Variants in PSD3 observed in about 807,000 individuals in gnomAD.
The protein encoded by PSD3 is pleckstrin and Sec7 domain containing 3, also known as PH and SEC7 domain-containing protein 3.
In PSD3, 49 loss-of-function variants were observed where a neutral mutation model predicts 105.5. The observed-to-expected ratio is 0.46, with a 90% CI of 0.37 to 0.59. The LOEUF is 0.59. Ranked by LOEUF, PSD3 falls within the 20% of genes least tolerant of loss-of-function variation. PSD3 has a pLI of 0.00. For missense variants in PSD3, 1,561 were observed against 1,263.8 expected (o/e 1.24, Z -3.57); for synonymous variants, 557 against 457.8 (o/e 1.22, Z -2.77).
At chr8:18,628,490 T>C (rs1039860637) in intron 11 of PSD3, among the ~76,000 whole-genome samples, 1 of 151,850 alleles carries the variant, frequency 6.6e-6, no homozygotes, top group African/African-American at 2.4e-5. Flanking sequence ...ACCCAGTGAA[T>C]ATACATTCCT....
At position 18,804,733 on chromosome 8, in the gene PSD3, T is replaced by A; in HGVS notation, c.1800A>T (p.Arg600Ser). ...TGCCAAGGTGTTTTGCAACATCTGA[T>A]CTTTTGAATCTGTCCAGCTGATAAA... ...KRLYQLDRFK[R>S]SDVAKHLGKN... Residue 600 changes from arginine (R) to serine (S), a missense_variant, in exon 5 of 16, where the codon AGA (arginine) becomes AGT (serine). Transcript: ENST00000327040. 1 of 1,614,022 alleles carries A rather than the reference T, an allele frequency of 6.2e-7. No individual in the cohort carries two copies. Among genetic ancestry groups the A allele is most frequent in the Non-Finnish European group, 8.5e-7 (1 of 1,179,974 alleles).
intron 9 of PSD3, among the ~76,000 whole-genome samples, chr8:18,691,136 TG>T (rs1320971283): frequency 6.6e-6 from 1 of 152,152 alleles, no homozygotes; most frequent in African/African-American, 2.4e-5. Context: ...AGCAACAGGA[TG>T]GGGGGAAAAA....
At chr8:18,800,458 C>T (rs1301426409) in intron 7 of PSD3, among the ~76,000 whole-genome samples, 2 of 152,166 alleles carry the variant, frequency 1.3e-5, no homozygotes, top group Non-Finnish European at 2.9e-5. Flanking sequence ...AATACTGAAG[C>T]TAAGAGGTAA....
chr8:18,660,776 T>C (rs949910083), intron 9 of PSD3, among the ~76,000 whole-genome samples: 2 of 152,314 alleles, frequency 1.3e-5, no homozygotes, highest in African/African-American at 2.4e-5. Flanking sequence ...CAATCTTTTA[T>C]CTAACTGTAA....
At chr8:18,633,242 G>T (rs954645888) in intron 10 of PSD3, among the ~76,000 whole-genome samples, 1 of 152,012 alleles carries the variant, frequency 6.6e-6, no homozygotes, top group Non-Finnish European at 1.5e-5. Flanking sequence ...CATAGAACTA[G>T]GTGTACAGAA....
At chr8:18,850,565 C>A (rs1230568572) in intron 4 of PSD3, among the ~76,000 whole-genome samples, 1 of 152,216 alleles carries the variant, frequency 6.6e-6, no homozygotes, top group Non-Finnish European at 1.5e-5. Context: ...AGCCTCATTA[C>A]TCACTTGTCC....
At chr8:18,647,062 T>C (rs1326714587) in intron 10 of PSD3, among the ~76,000 whole-genome samples, 1 of 152,176 alleles carries the variant, frequency 6.6e-6, no homozygotes, top group Non-Finnish European at 1.5e-5. Context: ...CACTCACACC[T>C]TCATGGGCAG....
chr8:18,625,185 A>AATACACAC (rs1806388131), intron 11 of PSD3, among the ~76,000 whole-genome samples: 1 of 91,588 alleles, frequency 1.1e-5, no homozygotes, highest in Non-Finnish European at 2.2e-5. Context: ...TGAGGTGGGG[A>AATACACAC]ATACACACAC....
intron 15 of PSD3, among the ~76,000 whole-genome samples, chr8:18,544,997 A>G (rs1163073342): frequency 6.6e-6 from 1 of 152,140 alleles, no homozygotes; most frequent in African/African-American, 2.4e-5. Flanking sequence ...AGGTGCTTTT[A>G]CCTTTGAATA....
intron 2 of PSD3, among the ~76,000 whole-genome samples, chr8:18,882,406 A>T (rs1268420211): frequency 6.6e-6 from 1 of 152,154 alleles, no homozygotes; most frequent in East Asian, 1.9e-4. Context: ...TTACTCAGCC[A>T]ACATTTCTTG....
At chr8:18,749,852 A>C (rs1453279127) in intron 9 of PSD3, among the ~76,000 whole-genome samples, 1 of 152,162 alleles carries the variant, frequency 6.6e-6, no homozygotes, top group East Asian at 1.9e-4. Flanking sequence ...AACCAACAAG[A>C]AAAGGGGGAC....
At chr8:18,544,096 G>A (rs1800304243) in intron 15 of PSD3, among the ~76,000 whole-genome samples, 1 of 141,618 alleles carries the variant, frequency 7.1e-6, no homozygotes, top group South Asian at 2.3e-4. Context: ...AAAATGAGCA[G>A]AAAAGCAATA....
intron 2 of PSD3, among the ~76,000 whole-genome samples, chr8:18,895,606 C>G (rs2129460092): frequency 6.6e-6 from 1 of 152,304 alleles, no homozygotes; most frequent in East Asian, 1.9e-4. Context: ...TAGCACTTTT[C>G]CTTTTTTAAT....
chr8:18,703,332 G>C (rs1801700145), intron 9 of PSD3, among the ~76,000 whole-genome samples: 1 of 152,178 alleles, frequency 6.6e-6, no homozygotes, highest in Non-Finnish European at 1.5e-5. Flanking sequence ...CTCAGCAAGG[G>C]CCTTCAGAGA....
At position 19,075,464 on chromosome 8, in the gene PSD3, A is replaced by G. The variant is rs1229380056; in HGVS notation, c.324+8742T>C. Among the ~76,000 whole-genome samples, 4 of 152,196 alleles carry G rather than the reference A, an allele frequency of 2.6e-5. No individual in the cohort carries two copies. The East Asian group carries it at 7.7e-4, about 29-fold the overall frequency. The stretch of plus-strand genomic sequence containing the variant: ...ATTCACTGCATGTATGTATGATTAC[A>G]TTGTTGCTATATTCTTTCCTAATGA... On this transcript the variant is annotated intron_variant, in intron 1 of 1. Coordinates refer to the PSD3 transcript ENST00000521475.
rs1204903770 is a variant in PSD3, at chr8:18,872,149, C to G, written c.715G>C (p.Gly239Arg). 1 of 1,614,160 alleles carries G rather than the reference C, an allele frequency of 6.2e-7. No homozygotes were observed. The highest frequency in any genetic ancestry group is 8.5e-7 in the Non-Finnish European group (1 of 1,180,034). ...ISQIMNNGRK[G>R]AVCVQEPSCP... is the part of the protein sequence containing the mutation. ...GATGGCTCCTGCACACAGACAGCCCCTTTCCTCCCATTATTCATTATCTGG... is the reference window on the plus strand; with the variant it reads ...GATGGCTCCTGCACACAGACAGCCCGTTTCCTCCCATTATTCATTATCTGG... Residue 239 changes from glycine to arginine, a missense_variant, in exon 3 of 16, where the codon GGG becomes CGG. Physicochemically the swap from Gly to Arg is moderately radical, Grantham distance 125. Transcript: ENST00000327040.
intron 4 of PSD3, among the ~76,000 whole-genome samples, chr8:18,859,653 C>T (rs147670075): frequency 6.6e-6 from 1 of 152,334 alleles, no homozygotes; most frequent in East Asian, 1.9e-4. Flanking sequence ...GCACTTGCTG[C>T]TTCGTCTAGT....
At chr8:18,681,617 C>T (rs998166541) in intron 9 of PSD3, among the ~76,000 whole-genome samples, 3 of 151,964 alleles carry the variant, frequency 2.0e-5, no homozygotes, top group African/African-American at 7.3e-5. Flanking sequence ...ACATTTTACA[C>T]ATGTCTATTA....
chr8:18,530,708 T>G lies in PSD3; in HGVS notation c.*5035A>C, dbSNP rs1799600163. 1 of 152,336 alleles carries G rather than the reference T, an allele frequency of 6.6e-6. No individual in the cohort carries two copies. The highest frequency in any genetic ancestry group is 2.1e-4 in the South Asian group (1 of 4,808). 9.4% of individuals were successfully genotyped at this position (152,336 alleles called of 1,614,324 possible). On this transcript the variant is annotated 3_prime_UTR_variant, in exon 16 of 16. Coordinates refer to ENST00000327040, the MANE Select transcript of PSD3 (RefSeq NM_015310.4). ...GCCTTTTTTTTTTTTTTTCTTTTCT[T>G]TCTGTATTTCCCAAATTACAGGGAG...
Sources: allele counts gnomAD v4.1 joint callset (sites outside exome capture counted in the v4.1 genomes callset), GRCh38; gene constraint gnomAD v4.1.1; transcripts MANE v1.5; gene names NCBI Gene and HGNC (gene_info 2026-07-23, HGNC 2026-07-21).